RORC: variants seen among roughly 807,000 people sequenced by gnomAD.
RORC encodes the protein nuclear receptor ROR-gamma.
A neutral mutation model predicts 64.5 loss-of-function variants in RORC; 13 were observed. That is an observed-to-expected ratio of 0.20 (90% CI 0.13 to 0.32). The LOEUF is 0.32. Ranked by LOEUF, RORC falls within the 10% of genes least tolerant of loss-of-function variation. The pLI is 1.00. For missense variants in RORC, 468 were observed against 669.5 expected (o/e 0.70, Z 3.32); for synonymous variants, 277 against 259.3 (o/e 1.07, Z -0.65).
chr1:151,823,778 C>G (rs1169957794), intron 2 of RORC, among the ~76,000 whole-genome samples: 1 of 152,152 alleles, frequency 6.6e-6, no homozygotes, highest in Admixed American at 6.5e-5. Flanking sequence ...GTAGCTGGGA[C>G]TACAGGTACA....
chr1:151,813,118 C>A (rs1295983925), intron 8 of RORC, 61 bp from the exon 9 acceptor site: 1 of 1,472,448 alleles, frequency 6.8e-7, no homozygotes, highest in East Asian at 2.3e-5. Flanking sequence ...CCGAGGACAC[C>A]GCCCTTATTG....
chr1:151,823,455 G>T (rs909611157), intron 2 of RORC, among the ~76,000 whole-genome samples: 1 of 152,140 alleles, frequency 6.6e-6, no homozygotes, highest in African/African-American at 2.4e-5. Context: ...GCAGCAGGTC[G>T]GATGGCAGGG....
intron 6 of RORC, 43 bp from the exon 7 acceptor site, chr1:151,813,663 C>T (rs1357269234): frequency 1.2e-6 from 2 of 1,605,488 alleles, no homozygotes; most frequent in Non-Finnish European, 1.7e-6. Flanking sequence ...CTCTGTGTGG[C>T]CCTGTGATCC....
At chr1:151,819,485 C>T (rs1210093106) in intron 2 of RORC, among the ~76,000 whole-genome samples, 1 of 152,340 alleles carries the variant, frequency 6.6e-6, no homozygotes, top group South Asian at 2.1e-4. Flanking sequence ...CCCTCCAACA[C>T]TGTGGCATCT....
chr1:151,810,892 G>A (rs1651497994), intron 10 of RORC, among the ~76,000 whole-genome samples: 1 of 152,186 alleles, frequency 6.6e-6, no homozygotes, highest in African/African-American at 2.4e-5. Context: ...GGATGAGAAA[G>A]CATGTCAGCA....
At chr1:151,829,059 C>A (rs946501380) in intron 2 of RORC, among the ~76,000 whole-genome samples, 1 of 151,908 alleles carries the variant, frequency 6.6e-6, no homozygotes. Context: ...CTGAGGCCAC[C>A]CCGCCTCCGC....
At chr1:151,829,777 T>C (rs1652335182) in intron 1 of RORC, among the ~76,000 whole-genome samples, 1 of 152,252 alleles carries the variant, frequency 6.6e-6, no homozygotes, top group African/African-American at 2.4e-5. Context: ...TCTCTGATTA[T>C]GTTTCTTCCT....
intron 9 of RORC, 100 bp from the exon 10 acceptor site, chr1:151,811,534 G>T: frequency 1.4e-6 from 1 of 720,332 alleles, no homozygotes; most frequent in Non-Finnish European, 2.4e-6. Context: ...CTGGATAGAG[G>T]TCTTCTAAGC....
intron 2 of RORC, among the ~76,000 whole-genome samples, chr1:151,823,949 C>T: frequency 6.6e-6 from 1 of 152,224 alleles, no homozygotes. Context: ...ATGCGTTTGG[C>T]TCTATTGGTG....
chr1:151,815,477 G>C (rs1651722839), intron 4 of RORC, 52 bp from the exon 5 acceptor site: 3 of 1,505,816 alleles, frequency 2.0e-6, no homozygotes, highest in South Asian at 2.7e-5. Flanking sequence ...ACATGGCACA[G>C]GGCAGGGTCA....
At position 151,806,490 on chromosome 1, in the gene RORC, C is replaced by G. The variant is rs2101647852; in HGVS notation, c.*982G>C. Reference sequence around the variant, plus strand: ...TTCTAGTGGTAGAAGACAGCTGGAGCTGGGGTGGTATTTGGATCACCCCAG... The same window carrying G: ...TTCTAGTGGTAGAAGACAGCTGGAGGTGGGGTGGTATTTGGATCACCCCAG... On this transcript the variant is annotated 3_prime_UTR_variant, in exon 11 of 11. Transcript: ENST00000318247. 6.5e-6 allele frequency: 1 copy of G among 153,022 alleles called. No individual in the cohort carries two copies. Among genetic ancestry groups the G allele is most frequent in the South Asian group, 2.1e-4 (1 of 4,830 alleles). The allele number at this position is 153,022 out of a possible 1,614,324, so 9.5% of individuals were successfully genotyped here. A position where few individuals can be genotyped will look rare whatever the true frequency, so the allele number is the denominator to read the frequency against.
In RORC at chr1:151,831,708, G is replaced by A. The variant is rs927886405; in HGVS notation, c.40+17C>T. On this transcript the variant is annotated intron_variant, in intron 1 of 10. Coordinates refer to ENST00000318247, the MANE Select transcript of RORC (RefSeq NM_005060.4). ...AGCAGTCTCTTCCACCTGCAGGCAG[G>A]GCCATGGGCCTCTTACCCCGTGAGG... The A allele has an allele frequency of 2.5e-6, 4 of 1,610,922 alleles. No homozygotes were observed. Among genetic ancestry groups the A allele is most frequent in the African/African-American group, 1.3e-5 (1 of 75,002 alleles).
At chr1:151,825,011 T>C (rs1000758080) in intron 2 of RORC, among the ~76,000 whole-genome samples, 70 of 152,084 alleles carry the variant, frequency 4.6e-4, no homozygotes, top group Non-Finnish European at 1.5e-4. Flanking sequence ...CTTTTCCTCC[T>C]TCACCTTGTG....
intron 2 of RORC, among the ~76,000 whole-genome samples, chr1:151,818,063 A>G (rs1447974229): frequency 3.3e-5 from 5 of 152,252 alleles, no homozygotes; most frequent in Non-Finnish European, 7.3e-5. Flanking sequence ...GGCTGAGACT[A>G]GAGACCATCT....
Position 151,830,785 on chromosome 1 carries a change from T to C in RORC, c.40+940A>G. 2.4e-6 allele frequency: 1 copy of C among 412,482 alleles called. No homozygotes were observed. Among genetic ancestry groups the C allele is most frequent in the Non-Finnish European group, 4.3e-6 (1 of 230,654 alleles). 25.6% of individuals were successfully genotyped at this position (412,482 alleles called of 1,614,324 possible). A position where few individuals can be genotyped will look rare whatever the true frequency, so the allele number is the denominator to read the frequency against. On this transcript the variant is annotated intron_variant, in intron 1 of 10. Coordinates refer to ENST00000318247, the MANE Select transcript of RORC (RefSeq NM_005060.4). This position sits in a 1 kb window ranked among gnomAD's most constrained non-coding sequence, Gnocchi z 4.0. ...GGGAGGAGAAAAGACTGCCCCGAGG[T>C]GGCAAGGCCCCACCCAGCCCCGCCC...
Position 151,812,927 on chromosome 1 carries a change from C to G in RORC, c.1285+20G>C. ...CCCCTGCCACCTGAATGTCCTTCACCCAAGCCCAGCAACACTCACGGGCAT... is the reference window on the plus strand; with the variant it reads ...CCCCTGCCACCTGAATGTCCTTCACGCAAGCCCAGCAACACTCACGGGCAT... On this transcript the variant is annotated intron_variant, in intron 9 of 10. Transcript: ENST00000318247. 6.5e-7 allele frequency: 1 copy of G among 1,537,350 alleles called. No homozygotes were observed. Among genetic ancestry groups the G allele is most frequent in the Admixed American group, 1.7e-5 (1 of 59,734 alleles).
Position 151,822,567 on chromosome 1 carries a change from G to A in RORC, c.71-5287C>T, listed in dbSNP as rs576274718. 1.9e-4 allele frequency among the ~76,000 whole-genome samples: 29 copies of A among 152,340 alleles called. No homozygotes were observed. In the East Asian group the frequency reaches 3.5e-3, roughly 18 times the overall value. On this transcript the variant is annotated intron_variant, in intron 2 of 10. Coordinates refer to ENST00000318247, the MANE Select transcript of RORC (RefSeq NM_005060.4). ...CCACAGTCTGGGACTGGAGAAAGGC[G>A]AGTGAAAACAACCAGTGAATGGGGG...
chr1:151,815,584 C>T (rs545261128), intron 4 of RORC, among the ~76,000 whole-genome samples, 159 bp from the exon 5 acceptor site: 2 of 152,322 alleles, frequency 1.3e-5, no homozygotes, highest in South Asian at 2.1e-4. Flanking sequence ...TGCTCAAGAC[C>T]CCGTCCACCT....
chr1:151,809,120 C>T (rs1651420632), intron 10 of RORC, among the ~76,000 whole-genome samples: 1 of 152,250 alleles, frequency 6.6e-6, no homozygotes, highest in Non-Finnish European at 1.5e-5. Context: ...GAGTCAAGGC[C>T]AGGTGTGGTG....
Sources: gnomAD v4.1 joint callset for allele counts (sites outside exome capture counted in the v4.1 genomes callset) on GRCh38, gnomAD v4.1.1 for gene constraint, Gnocchi (gnomAD v3.1) non-coding constraint, MANE v1.5 for transcripts, NCBI Gene and HGNC (gene_info 2026-07-23, HGNC 2026-07-21) for gene names.